Variants in KIF26B observed in about 807,000 individuals in gnomAD.
The protein encoded by KIF26B is kinesin family member 26B.
In KIF26B, 63 loss-of-function variants were observed where a neutral mutation model predicts 151.2. The ratio of observed to expected loss-of-function variants is 0.42; its 90% CI spans 0.34 to 0.51. The LOEUF (loss-of-function observed/expected upper bound fraction) is 0.51. KIF26B is among the 20% of genes least tolerant of loss of function. The pLI is 0.07. For missense variants in KIF26B, 2,813 were observed against 2,913.6 expected, an observed-to-expected ratio of 0.97 and a Z score of 0.79; for synonymous variants, 1,357 against 1,262.1, an observed-to-expected ratio of 1.08 and a Z score of -1.59.
At position 245,577,538 on chromosome 1, in the gene KIF26B, G is replaced by A. The variant is rs1394776603; in HGVS notation, c.1351-25039G>A. 2.6e-5 allele frequency among the ~76,000 whole-genome samples: 4 copies of A among 152,280 alleles called. No individual in the cohort carries two copies. The East Asian group carries it at 7.7e-4, about 29-fold the overall frequency. Reference sequence around the variant, plus strand: ...AGAGCTTTGTGGAACTCTGGGCGATGCATCCCCTACATGGAAGAGCTTTGT... The same window carrying A: ...AGAGCTTTGTGGAACTCTGGGCGATACATCCCCTACATGGAAGAGCTTTGT... On this transcript the variant is annotated intron_variant, in intron 5 of 14. Coordinates refer to ENST00000407071, the MANE Select transcript of KIF26B (RefSeq NM_018012.4).
At chr1:245,518,939 T>G (rs1423415353) in intron 4 of KIF26B, among the ~76,000 whole-genome samples, 1 of 152,224 alleles carries the variant, frequency 6.6e-6, no homozygotes. Flanking sequence ...TTGTGCATGA[T>G]TTCTGTCATT....
At chr1:245,493,227 C>T (rs901877219) in intron 4 of KIF26B, among the ~76,000 whole-genome samples, 3 of 152,050 alleles carry the variant, frequency 2.0e-5, no homozygotes, top group African/African-American at 7.2e-5. Context: ...TAAAGGGTAC[C>T]CTAGAGGCAA....
intron 10 of KIF26B, among the ~76,000 whole-genome samples, chr1:245,681,878 T>C (rs957427360): frequency 6.6e-6 from 1 of 152,264 alleles, no homozygotes; most frequent in Non-Finnish European, 1.5e-5. Context: ...GGTTACGTAT[T>C]GACCAGTTGA....
intron 2 of KIF26B, among the ~76,000 whole-genome samples, chr1:245,193,899 G>GAA (rs1015493769): frequency 6.6e-6 from 1 of 152,256 alleles, no homozygotes; most frequent in Non-Finnish European, 1.5e-5. Context: ...TCAGAGCAGA[G>GAA]ACAGGGCTGC....
At chr1:245,574,872 T>C (rs886879982) in intron 5 of KIF26B, among the ~76,000 whole-genome samples, 2 of 125,976 alleles carry the variant, frequency 1.6e-5, no homozygotes, top group Non-Finnish European at 3.3e-5. Flanking sequence ...TTCTTTTTTT[T>C]TTTTTTTTTG....
intron 4 of KIF26B, among the ~76,000 whole-genome samples, chr1:245,433,446 G>A (rs1169570409): frequency 6.9e-6 from 1 of 145,976 alleles, no homozygotes; most frequent in Non-Finnish European, 1.5e-5. Context: ...CAGCCTGGGT[G>A]ACACAGCAAG....
intron 10 of KIF26B, among the ~76,000 whole-genome samples, chr1:245,680,515 G>A (rs968483710): frequency 2.0e-5 from 3 of 152,174 alleles, no homozygotes; most frequent in South Asian, 2.1e-4. Flanking sequence ...GTCATGGGTG[G>A]GGAGTCGCGG....
chr1:245,490,881 T>C (rs953018587), intron 4 of KIF26B, among the ~76,000 whole-genome samples: 2 of 152,230 alleles, frequency 1.3e-5, no homozygotes. Flanking sequence ...CCCAGGTGTT[T>C]TGTGATTTCC....
chr1:245,311,960 C>A (rs1671674055), intron 2 of KIF26B, among the ~76,000 whole-genome samples: 1 of 152,176 alleles, frequency 6.6e-6, no homozygotes, highest in African/African-American at 2.4e-5. Flanking sequence ...CACCGTTTAA[C>A]TCAGAATCAG....
chr1:245,528,092 A>T (rs757325991), intron 4 of KIF26B, among the ~76,000 whole-genome samples: 4 of 152,042 alleles, frequency 2.6e-5, no homozygotes, highest in Non-Finnish European at 2.9e-5. Flanking sequence ...AGGGAAAAGT[A>T]CGTGTGCACC....
chr1:245,316,330 G>A (rs1671775003), intron 2 of KIF26B, among the ~76,000 whole-genome samples: 1 of 151,982 alleles, frequency 6.6e-6, no homozygotes, highest in African/African-American at 2.4e-5. Context: ...CACCATGTTG[G>A]CCAGGTTGGT....
At position 245,264,409 on chromosome 1, in the gene KIF26B, A is replaced by G. The variant is rs943784021; in HGVS notation, c.466-102425A>G. On this transcript the variant is annotated intron_variant, in intron 2 of 14. Transcript: ENST00000407071. ...CTAATAGTTGGATTTGTGGTTAAAC[A>G]TATATGCTTCTTGCCCCAAATGACT... Among the ~76,000 whole-genome samples, 4 of 152,300 alleles carry G rather than the reference A, an allele frequency of 2.6e-5. No individual in the cohort carries two copies. The Middle Eastern group carries it at 0.01, about 389-fold the overall frequency.
chr1:245,589,340 T>A (rs893938584), intron 5 of KIF26B, among the ~76,000 whole-genome samples: 2 of 152,176 alleles, frequency 1.3e-5, no homozygotes, highest in Admixed American at 1.3e-4. Context: ...ACCACCAGGC[T>A]GTGATCTCGC....
intron 10 of KIF26B, among the ~76,000 whole-genome samples, chr1:245,681,479 G>A (rs556696142): frequency 6.6e-6 from 1 of 152,228 alleles, no homozygotes; most frequent in South Asian, 2.1e-4. Context: ...AAAGTGCTGG[G>A]ATTACAGGCA....
At chr1:245,435,053 CTCCATCCATCCATCCATCCA>C (rs60351520) in intron 4 of KIF26B, among the ~76,000 whole-genome samples, 4 of 132,430 alleles carry the variant, frequency 3.0e-5, no homozygotes, top group East Asian at 2.3e-4. Flanking sequence ...CCATCCATCT[CTCCATCCATCCATCCATCCA>C]TCCATCCATC....
At chr1:245,652,706 A>G (rs2044033318) in intron 10 of KIF26B, among the ~76,000 whole-genome samples, 1 of 152,168 alleles carries the variant, frequency 6.6e-6, no homozygotes, top group African/African-American at 2.4e-5. Flanking sequence ...TTCTGCCGCT[A>G]GTTTGACACA....
At chr1:245,669,062 C>T (rs2147939399) in intron 10 of KIF26B, among the ~76,000 whole-genome samples, 1 of 152,298 alleles carries the variant, frequency 6.6e-6, no homozygotes, top group East Asian at 1.9e-4. Flanking sequence ...CATCATCTTC[C>T]TTATCCTAGG....
rs1558281916 is a variant in KIF26B at position 245,702,305 on chromosome 1, G to A, written c.6179-153G>A. Among the ~76,000 whole-genome samples the A allele has an allele frequency of 6.6e-6, 1 of 152,134 alleles. No individual in the cohort carries two copies. The highest frequency in any genetic ancestry group is 1.5e-5 in the Non-Finnish European group (1 of 68,026). On this transcript the variant is annotated intron_variant, in intron 14 of 14. Transcript: ENST00000407071. The surrounding 1 kb of genome is among the most constrained non-coding windows in gnomAD (Gnocchi z 4.1). ...TCAACCCAAAAGAGGCCGAGAATCAGGCAGGAGGGAACTCTGCAGTGGCCT... is the reference window on the plus strand; with the variant it reads ...TCAACCCAAAAGAGGCCGAGAATCAAGCAGGAGGGAACTCTGCAGTGGCCT...
At chr1:245,470,616 G>A (rs1659890828) in intron 4 of KIF26B, among the ~76,000 whole-genome samples, 1 of 151,870 alleles carries the variant, frequency 6.6e-6, no homozygotes, top group Non-Finnish European at 1.5e-5. Flanking sequence ...ATTTTTAGTA[G>A]AGACAGGGTT....
Sources: allele counts gnomAD v4.1 joint callset (sites outside exome capture counted in the v4.1 genomes callset), GRCh38; gene constraint gnomAD v4.1.1; non-coding constraint Gnocchi (gnomAD v3.1); transcripts MANE v1.5; gene names NCBI Gene and HGNC (gene_info 2026-07-23, HGNC 2026-07-21).